PKP1: variants seen among roughly 807,000 people sequenced by gnomAD.
PKP1 encodes the protein plakophilin 1.
PKP1 carries 27 observed loss-of-function variants against 76.4 expected under a neutral mutation model. The observed-to-expected ratio is 0.35, with a 90% CI of 0.26 to 0.49. PKP1 has a LOEUF of 0.49. Among genes scored for constraint, PKP1 ranks in the 20% least tolerant of loss-of-function variants. The probability of loss-of-function intolerance (pLI) is 0.99; values close to 1 mark genes in which losing one functional copy is unlikely to be tolerated. For missense variants in PKP1, 964 were observed against 955.2 expected, an observed-to-expected ratio of 1.01 and a Z score of -0.12; for synonymous variants, 404 against 384.2, an observed-to-expected ratio of 1.05 and a Z score of -0.60.
At position 201,283,740 on chromosome 1, in the gene PKP1, A is replaced by G; in HGVS notation, c.38A>G (p.Glu13Gly). The change falls in exon 1 of 14, where the codon GAA (glutamate) becomes GGA (glycine). Residue 13 changes from glutamate (E) to glycine (G), a missense_variant. By Grantham distance (98) the Glu-to-Gly change is moderately conservative. Coordinates refer to ENST00000367324, the MANE Select transcript of PKP1 (RefSeq NM_001005337.3). Reference sequence around the variant, plus strand: ...CCGCTCAAGACCGCCTTGGCGTACGAATGCTTCCAGGACCAGGACAACTCC... The same window carrying G: ...CCGCTCAAGACCGCCTTGGCGTACGGATGCTTCCAGGACCAGGACAACTCC... Reference protein sequence around the residue: ...HSPLKTALAYECFQDQDNSTL... With the variant: ...HSPLKTALAYGCFQDQDNSTL... 2.5e-6 allele frequency: 4 copies of G among 1,614,060 alleles called. No homozygotes were observed. The highest frequency in any genetic ancestry group is 3.4e-6 in the Non-Finnish European group (4 of 1,179,918).
At chr1:201,329,638 T>A (rs1657257579) in intron 13 of PKP1, among the ~76,000 whole-genome samples, 1 of 152,174 alleles carries the variant, frequency 6.6e-6, no homozygotes, top group South Asian at 2.1e-4. Context: ...TCTCCTGAGC[T>A]AAGGGGGACC....
chr1:201,325,939 C>A, intron 12 of PKP1, 101 bp downstream of exon 12: 1 of 833,418 alleles, frequency 1.2e-6, no homozygotes, highest in Non-Finnish European at 2.1e-6. Context: ...AGAAACGCCC[C>A]TGCCCTTCGG....
At chr1:201,318,282 T>G (rs1005347914) in intron 5 of PKP1, among the ~76,000 whole-genome samples, 4 of 152,142 alleles carry the variant, frequency 2.6e-5, no homozygotes, top group Non-Finnish European at 5.9e-5. Flanking sequence ...AACTTTCAGA[T>G]GGAAAAGAGA....
intron 1 of PKP1, among the ~76,000 whole-genome samples, chr1:201,286,235 C>A (rs1205545266): frequency 6.6e-6 from 1 of 152,176 alleles, no homozygotes; most frequent in Non-Finnish European, 1.5e-5. Flanking sequence ...CGTTTTCCCT[C>A]GCCCCCTGGA....
At chr1:201,293,530 G>A (rs1163431168) in intron 1 of PKP1, among the ~76,000 whole-genome samples, 1 of 152,150 alleles carries the variant, frequency 6.6e-6, no homozygotes, top group Non-Finnish European at 1.5e-5. Flanking sequence ...TGCTGGACTG[G>A]GAATGTCGGA....
At position 201,288,448 on chromosome 1, in the gene PKP1, C is replaced by A. The variant is rs1055430856; in HGVS notation, c.202+4544C>A. 2.0e-5 allele frequency among the ~76,000 whole-genome samples: 3 copies of A among 152,174 alleles called. No homozygotes were observed. In the East Asian group the frequency reaches 5.8e-4, roughly 29 times the overall value. ...TCAAACAACACAAATGCGTGAGTCC[C>A]ACCCCCAGAGATTCTGACTTAGTGA... On this transcript the variant is annotated intron_variant, in intron 1 of 13. Coordinates refer to ENST00000367324, the MANE Select transcript of PKP1 (RefSeq NM_001005337.3).
chr1:201,308,093 G>A (rs1238837887), intron 2 of PKP1, among the ~76,000 whole-genome samples: 1 of 152,270 alleles, frequency 6.6e-6, no homozygotes, highest in Non-Finnish European at 1.5e-5. Flanking sequence ...TGTCCAGCTA[G>A]AGTTGGATAG....
chr1:201,302,771 C>T (rs979837978), intron 2 of PKP1, among the ~76,000 whole-genome samples: 3 of 152,220 alleles, frequency 2.0e-5, no homozygotes, highest in South Asian at 2.1e-4. Context: ...GCCCCCACAG[C>T]GTGCCCAAGG....
In PKP1 at chr1:201,319,980, A is replaced by C. The variant is rs1656887317; in HGVS notation, c.1233-287A>C. ...TGAAGGAGGAGAAGAACTGAGTGCAAATGAGACCTCATTTCAGCCTCAGCC... is the reference window on the plus strand; with the variant it reads ...TGAAGGAGGAGAAGAACTGAGTGCACATGAGACCTCATTTCAGCCTCAGCC... On this transcript the variant is annotated intron_variant, in intron 6 of 13. Transcript: ENST00000367324. 4 of 1,280,830 alleles carry C rather than the reference A, an allele frequency of 3.1e-6. No homozygotes were observed. In the South Asian group the frequency reaches 4.7e-5, roughly 15 times the overall value. 79.3% of individuals were successfully genotyped at this position (1,280,830 alleles called of 1,614,324 possible).
chr1:201,316,224 G>C, intron 3 of PKP1: 1 of 288,534 alleles, frequency 3.5e-6, no homozygotes, highest in Non-Finnish European at 6.5e-6. Flanking sequence ...ACAAACAAGA[G>C]AGATGGCAAG....
intron 11 of PKP1, 127 bp downstream of exon 11, chr1:201,325,254 C>CG (rs1443653547): frequency 5.2e-6 from 5 of 964,282 alleles, no homozygotes; most frequent in Admixed American, 1.8e-5. Context: ...GAGCCAGGGA[C>CG]GGGGGAGGCT....
At chr1:201,329,097 G>T (rs1233160816) in intron 13 of PKP1, among the ~76,000 whole-genome samples, 2 of 152,190 alleles carry the variant, frequency 1.3e-5, no homozygotes, top group Non-Finnish European at 2.9e-5. Context: ...GGGTCAGAGG[G>T]TCTGGGCAGG....
chr1:201,295,428 C>T (rs180942968), intron 2 of PKP1, among the ~76,000 whole-genome samples: 66 of 152,220 alleles, frequency 4.3e-4, no homozygotes, highest in Non-Finnish European at 8.1e-4. Context: ...ACACTGAGCC[C>T]GGTAAACTGA....
chr1:201,300,952 T>C (rs922379925), intron 2 of PKP1, among the ~76,000 whole-genome samples: 1 of 152,156 alleles, frequency 6.6e-6, no homozygotes. Context: ...TGAGAGTACC[T>C]TGCTGACTGT....
chr1:201,295,520 A>G (rs576138130), intron 2 of PKP1, among the ~76,000 whole-genome samples: 4 of 152,392 alleles, frequency 2.6e-5, no homozygotes, highest in Admixed American at 1.3e-4. Context: ...GGAATGCAGC[A>G]TAAAGGGATT....
chr1:201,291,334 A>G (rs918636491), intron 1 of PKP1, among the ~76,000 whole-genome samples: 1 of 152,164 alleles, frequency 6.6e-6, no homozygotes, highest in Admixed American at 6.5e-5. Context: ...ACCTGCCTTT[A>G]CCAGAGTTCA....
chr1:201,325,330 G>A (rs1418018657), intron 11 of PKP1, among the ~76,000 whole-genome samples: 1 of 152,200 alleles, frequency 6.6e-6, no homozygotes, highest in Non-Finnish European at 1.5e-5. Context: ...CCAGGCCCCA[G>A]GGCTGCATGG....
At chr1:201,306,883 C>T (rs892130198) in intron 2 of PKP1, among the ~76,000 whole-genome samples, 23 of 152,106 alleles carry the variant, frequency 1.5e-4, no homozygotes, top group African/African-American at 5.6e-4. Context: ...GGGGTTTCAT[C>T]GTGGTCTCGA....
intron 2 of PKP1, among the ~76,000 whole-genome samples, chr1:201,299,793 A>T (rs540584386): frequency 1.1e-3 from 171 of 152,384 alleles, no homozygotes; most frequent in African/African-American, 3.7e-3. Flanking sequence ...CACAACAAGT[A>T]GCTCTGCTGA....
Sources: allele counts gnomAD v4.1 joint callset (sites outside exome capture counted in the v4.1 genomes callset), GRCh38; gene constraint gnomAD v4.1.1; transcripts MANE v1.5; gene names NCBI Gene and HGNC (gene_info 2026-07-23, HGNC 2026-07-21).